Variants in AGMO observed in about 807,000 individuals in gnomAD.
AGMO encodes glyceryl-ether monooxygenase.
AGMO carries 75 observed loss-of-function variants against 60.2 expected under a neutral mutation model. The observed-to-expected ratio is 1.25, with a 90% confidence interval of 1.03 to 1.51. The LOEUF (loss-of-function observed/expected upper bound fraction) is 1.51, where lower values mean the gene tolerates loss of function less well. Ranked by LOEUF, AGMO falls within the 40% of genes most tolerant of loss-of-function variation. The pLI is 0.00. For missense variants in AGMO, 763 were observed against 525.5 expected (o/e 1.45, Z -4.42); for synonymous variants, 261 against 177.1 (o/e 1.47, Z -3.76).
chr7:15,485,113 A>G (rs1782876056), intron 3 of AGMO, among the ~76,000 whole-genome samples: 2 of 147,372 alleles, frequency 1.4e-5, no homozygotes, highest in Middle Eastern at 7.1e-3. Flanking sequence ...CCTGGCCAAC[A>G]TGGCAAAACC....
Position 15,531,428 on chromosome 7 carries a change from CTA to C in AGMO, c.409+13342_409+13343del, listed in dbSNP as rs1169738931. Among the ~76,000 whole-genome samples, 138 of 42,562 alleles carry C rather than the reference CTA, an allele frequency of 3.2e-3. 4 individuals are homozygous for C. The highest frequency in any genetic ancestry group is 0.023 in the Middle Eastern group (1 of 44). The allele number at this position is 42,562 out of a possible 152,430, so 27.9% of individuals were successfully genotyped here. ...ATTCTATATATATTCTATATATATT[CTA>C]TATATATATTCTATATATATTCTCT... On this transcript the variant is annotated intron_variant, in intron 3 of 12. Transcript: ENST00000342526.
the AGMO span, among the ~76,000 whole-genome samples, chr7:15,130,817 T>C: frequency 2.0e-5 from 3 of 152,186 alleles, no homozygotes; most frequent in South Asian, 4.1e-4. Context: ...GTGTGTGCTA[T>C]GTATATATAC....
chr7:15,184,604 A>G, the AGMO span, among the ~76,000 whole-genome samples: 1 of 115,492 alleles, frequency 8.7e-6, no homozygotes, highest in Non-Finnish European at 1.8e-5. Flanking sequence ...AAGGGAAGGA[A>G]AGAAGGAAGA....
the AGMO span, among the ~76,000 whole-genome samples, chr7:15,195,030 C>G: frequency 6.6e-6 from 1 of 152,058 alleles, no homozygotes; most frequent in South Asian, 2.1e-4. Flanking sequence ...GGAGAGAAAC[C>G]ATTATGTATG....
chr7:15,561,492 C>T (rs914133190), intron 1 of AGMO, among the ~76,000 whole-genome samples: 1 of 152,182 alleles, frequency 6.6e-6, no homozygotes, highest in Non-Finnish European at 1.5e-5. Context: ...TTGTCATATT[C>T]TGGAGTGACA....
At chr7:15,413,128 C>T (rs753554317) in intron 5 of AGMO, among the ~76,000 whole-genome samples, 7 of 152,106 alleles carry the variant, frequency 4.6e-5, no homozygotes, top group Non-Finnish European at 2.9e-5. Context: ...GAAAGAGCCT[C>T]TCAGCAGAGA....
At chr7:15,390,991 C>T (rs1358289822) in intron 6 of AGMO, 86 bp from the exon 7 acceptor site, 2 of 821,020 alleles carry the variant, frequency 2.4e-6, no homozygotes, top group African/African-American at 3.5e-5. Context: ...AGAATATATT[C>T]ATAAAATTCA....
intron 12 of AGMO, among the ~76,000 whole-genome samples, chr7:15,215,468 G>A (rs1334713163): frequency 6.6e-6 from 1 of 151,862 alleles, no homozygotes; most frequent in African/African-American, 2.4e-5. Flanking sequence ...CCATGAGTTT[G>A]GCGGCTGGGT....
chr7:15,287,121 C>T (rs190325110), intron 12 of AGMO, among the ~76,000 whole-genome samples: 21 of 152,084 alleles, frequency 1.4e-4, no homozygotes, highest in South Asian at 6.2e-4. Context: ...ATACTGGGTA[C>T]GATACACACT....
chr7:15,132,723 G>A, the AGMO span, among the ~76,000 whole-genome samples: 2 of 152,116 alleles, frequency 1.3e-5, no homozygotes, highest in Non-Finnish European at 2.9e-5. Flanking sequence ...TGTGAATCAA[G>A]GCAGTGAAGA....
At chr7:15,435,709 T>C (rs1781381030) in intron 3 of AGMO, among the ~76,000 whole-genome samples, 1 of 152,200 alleles carries the variant, frequency 6.6e-6, no homozygotes, top group South Asian at 2.1e-4. Context: ...TTAATTTTCA[T>C]GAAATCCAGT....
chr7:15,309,253 A>C (rs1008577364), intron 12 of AGMO, among the ~76,000 whole-genome samples: 2 of 152,180 alleles, frequency 1.3e-5, no homozygotes, highest in African/African-American at 2.4e-5. Context: ...GCAGTTTTAC[A>C]GACAGGCAAG....
At chr7:15,147,361 T>C in the AGMO span, among the ~76,000 whole-genome samples, 1 of 152,130 alleles carries the variant, frequency 6.6e-6, no homozygotes, top group African/African-American at 2.4e-5. Flanking sequence ...CTCACAATCA[T>C]GGCGGAAGAT....
intron 12 of AGMO, among the ~76,000 whole-genome samples, chr7:15,271,183 C>G (rs1207409767): frequency 6.6e-6 from 1 of 151,996 alleles, no homozygotes; most frequent in Non-Finnish European, 1.5e-5. Flanking sequence ...AAATTTAAAA[C>G]TGATATTTCT....
chr7:15,148,656 C>A, the AGMO span, among the ~76,000 whole-genome samples: 2 of 152,024 alleles, frequency 1.3e-5, no homozygotes, highest in South Asian at 4.1e-4. Context: ...GACATGATTC[C>A]ATTTCTTATG....
intron 12 of AGMO, among the ~76,000 whole-genome samples, chr7:15,337,096 A>G (rs1376669704): frequency 1.3e-5 from 2 of 152,186 alleles, no homozygotes; most frequent in East Asian, 3.9e-4. Flanking sequence ...CAGGTTAGCA[A>G]AATGTCACAT....
intron 12 of AGMO, among the ~76,000 whole-genome samples, chr7:15,329,464 G>C (rs1781437993): frequency 6.6e-6 from 1 of 152,166 alleles, no homozygotes; most frequent in Non-Finnish European, 1.5e-5. Flanking sequence ...CTATCCTTGT[G>C]TGGCCTTGAA....
intron 12 of AGMO, among the ~76,000 whole-genome samples, chr7:15,254,969 TAA>T (rs1783052351): frequency 6.6e-6 from 1 of 151,882 alleles, no homozygotes; most frequent in Admixed American, 6.6e-5. Context: ...GAAGCAGTAA[TAA>T]AAAGTGTCAA....
chr7:15,259,191 AATAG>A (rs1189891905), intron 12 of AGMO, among the ~76,000 whole-genome samples: 3 of 152,052 alleles, frequency 2.0e-5, no homozygotes, highest in African/African-American at 7.2e-5. Context: ...TCTTCAGTGA[AATAG>A]ATAGCATAAA....
Sources: gnomAD v4.1 joint callset for allele counts (sites outside exome capture counted in the v4.1 genomes callset) on GRCh38, gnomAD v4.1.1 for gene constraint, MANE v1.5 for transcripts, NCBI Gene and HGNC (gene_info 2026-07-23, HGNC 2026-07-21) for gene names.